The following GSE1 variants were observed in gnomAD, a reference collection of about 807,000 sequenced individuals.
GSE1 encodes Gse1 coiled-coil protein.
A neutral mutation model predicts 112.6 loss-of-function variants in GSE1; 32 were observed. The observed-to-expected ratio is 0.28, with a 90% CI of 0.21 to 0.38. The LOEUF (loss-of-function observed/expected upper bound fraction) is 0.38, where lower values mean the gene tolerates loss of function less well. Among genes scored for constraint, GSE1 ranks in the 10% least tolerant of loss-of-function variants. GSE1 has a pLI of 1.00. For missense variants in GSE1, 2,348 were observed against 1,699.2 expected (o/e 1.38, Z -6.71); for synonymous variants, 1,115 against 735.6 (o/e 1.52, Z -8.35).
At chr16:85,589,340 G>C (rs575191797) in intron 1 of GSE1, among the ~76,000 whole-genome samples, 27 of 152,322 alleles carry the variant, frequency 1.8e-4, no homozygotes, top group African/African-American at 5.8e-4. Flanking sequence ...GAGAGGGAGA[G>C]GGCTGTGGAC....
chr16:85,656,523 G>A lies in GSE1; in HGVS notation c.1170G>A (p.Glu390=), dbSNP rs1484548016. 1.9e-6 allele frequency: 3 copies of A among 1,549,156 alleles called. No homozygotes were observed. The highest frequency in any genetic ancestry group is 2.4e-5 in the East Asian group (1 of 40,926). The change falls in exon 7 of 16, where the codon GAG becomes GAA. Residue 390 remains glutamate (E), a synonymous_variant. Transcript: ENST00000253458. ...ERERELERQR[E]QRAREKELLA... Reference sequence around the variant, plus strand: ...AGCGCGAGCTGGAGCGCCAGCGGGAGCAGCGGGCCCGGGAGAAGGAGCTGC... The same window carrying A: ...AGCGCGAGCTGGAGCGCCAGCGGGAACAGCGGGCCCGGGAGAAGGAGCTGC...
intron 1 of GSE1, among the ~76,000 whole-genome samples, chr16:85,234,744 C>T (rs1443047600): frequency 6.6e-6 from 1 of 152,192 alleles, no homozygotes; most frequent in Non-Finnish European, 1.5e-5. Flanking sequence ...CCGGCCCCGC[C>T]CCGGCTCCGC....
chr16:85,447,218 C>A (rs2049541696), intron 2 of GSE1, among the ~76,000 whole-genome samples: 1 of 152,114 alleles, frequency 6.6e-6, no homozygotes, highest in African/African-American at 2.4e-5. Context: ...TGTGCAGCAC[C>A]CCCAGCCCTC....
intron 2 of GSE1, among the ~76,000 whole-genome samples, chr16:85,414,679 G>C (rs2048663389): frequency 6.6e-6 from 1 of 152,156 alleles, no homozygotes; most frequent in Admixed American, 6.5e-5. Context: ...CTGTCACCCA[G>C]GCTGCAGTGC....
chr16:85,363,683 T>C (rs1224341082), intron 2 of GSE1, among the ~76,000 whole-genome samples: 2 of 152,220 alleles, frequency 1.3e-5, no homozygotes, highest in Non-Finnish European at 2.9e-5. Context: ...TTTCCCATGC[T>C]GTGCCTCAGT....
intron 1 of GSE1, among the ~76,000 whole-genome samples, chr16:85,601,008 G>T (rs766110849): frequency 6.6e-6 from 1 of 151,898 alleles, no homozygotes; most frequent in Non-Finnish European, 1.5e-5. Context: ...CCACCAGTGG[G>T]GGGGTTAGAG....
chr16:85,284,453 G>T (rs1297483042), intron 1 of GSE1, among the ~76,000 whole-genome samples: 1 of 152,214 alleles, frequency 6.6e-6, no homozygotes, highest in Non-Finnish European at 1.5e-5. Flanking sequence ...CTCAGCCTCT[G>T]TCCCAGAAAC....
intron 7 of GSE1, 124 bp downstream of exon 7, chr16:85,656,789 C>T (rs73253220): frequency 1.3e-5 from 17 of 1,327,182 alleles, no homozygotes; most frequent in South Asian, 7.7e-5. Context: ...GCCCTAAAAG[C>T]GTGGTGTGGC....
At chr16:85,223,906 A>G (rs2075436339) in intron 1 of GSE1, among the ~76,000 whole-genome samples, 1 of 152,208 alleles carries the variant, frequency 6.6e-6, no homozygotes. Flanking sequence ...CATTTGGCCC[A>G]CCACTGTAAC....
intron 1 of GSE1, among the ~76,000 whole-genome samples, chr16:85,305,326 C>T (rs981696772): frequency 1.3e-5 from 2 of 152,154 alleles, no homozygotes; most frequent in Non-Finnish European, 2.9e-5. Context: ...TCTCTGTTGC[C>T]GAGGCTGGAG....
intron 1 of GSE1, among the ~76,000 whole-genome samples, chr16:85,256,813 G>A (rs1245070388): frequency 6.6e-6 from 1 of 152,270 alleles, no homozygotes; most frequent in African/African-American, 2.4e-5. Context: ...CAGCTTTGGG[G>A]CCCAGGACTG....
At chr16:85,440,639 G>C (rs1398498964) in intron 2 of GSE1, among the ~76,000 whole-genome samples, 1 of 152,236 alleles carries the variant, frequency 6.6e-6, no homozygotes, top group Non-Finnish European at 1.5e-5. Flanking sequence ...TGGTCAGCTG[G>C]ATGCTAACCT....
chr16:85,173,942 C>T (rs1324664209), intron 1 of GSE1, among the ~76,000 whole-genome samples: 5 of 152,118 alleles, frequency 3.3e-5, no homozygotes, highest in African/African-American at 1.2e-4. Context: ...CTCTTGAGGC[C>T]TTCTTATATC....
At chr16:85,361,228 A>G (rs112993204) in intron 2 of GSE1, among the ~76,000 whole-genome samples, 5,117 of 128,814 alleles carry the variant, frequency 0.04, 484 homozygotes, top group African/African-American at 0.15. Flanking sequence ...CACACGGGGC[A>G]GAGACACACA....
intron 2 of GSE1, among the ~76,000 whole-genome samples, chr16:85,451,229 A>G (rs2049670992): frequency 6.6e-6 from 1 of 152,236 alleles, no homozygotes; most frequent in African/African-American, 2.4e-5. Context: ...CTCCAACTGC[A>G]GAAAATTCCA....
At chr16:85,336,493 G>A (rs1035677521) in intron 1 of GSE1, among the ~76,000 whole-genome samples, 2 of 152,226 alleles carry the variant, frequency 1.3e-5, no homozygotes, top group African/African-American at 4.8e-5. Flanking sequence ...GGTGGCTCGG[G>A]TAGGACACTG....
intron 8 of GSE1, among the ~76,000 whole-genome samples, chr16:85,658,966 C>T (rs992633139): frequency 7.9e-5 from 12 of 152,250 alleles, no homozygotes; most frequent in African/African-American, 2.4e-4. Context: ...GCCGGCTGCA[C>T]ACGTGGCCTT....
At chr16:85,357,045 A>C (rs979187115) in intron 1 of GSE1, among the ~76,000 whole-genome samples, 1 of 152,174 alleles carries the variant, frequency 6.6e-6, no homozygotes, top group Non-Finnish European at 1.5e-5. Context: ...CAAGCACCAC[A>C]GAATAAACCT....
chr16:85,289,573 A>T (rs2045144044), intron 1 of GSE1, among the ~76,000 whole-genome samples: 1 of 152,208 alleles, frequency 6.6e-6, no homozygotes, highest in South Asian at 2.1e-4. Flanking sequence ...AGGGAAGGCC[A>T]ATGTGCTGGG....
Sources: allele counts gnomAD v4.1 joint callset (sites outside exome capture counted in the v4.1 genomes callset), GRCh38; gene constraint gnomAD v4.1.1; transcripts MANE v1.5; gene names NCBI Gene and HGNC (gene_info 2026-07-23, HGNC 2026-07-21).